ZNF177: variants seen among roughly 807,000 people sequenced by gnomAD.
The protein encoded by ZNF177 is zinc finger protein 177.
ZNF177 carries 17 observed loss-of-function variants against 19.4 expected under a neutral mutation model. The observed-to-expected ratio is 0.87, with a 90% confidence interval of 0.60 to 1.31. The LOEUF (loss-of-function observed/expected upper bound fraction) is 1.31, where lower values mean the gene tolerates loss of function less well. Among genes scored for constraint, ZNF177 ranks in the 40% most tolerant of loss-of-function variants. The probability of loss-of-function intolerance (pLI) is 0.00; values close to 1 mark genes in which losing one functional copy is unlikely to be tolerated. For missense variants in ZNF177, 633 were observed against 561.8 expected (o/e 1.13, Z -1.28); for synonymous variants, 220 against 188.7 (o/e 1.17, Z -1.36).
downstream of ZNF177, chr19:9,382,521 T>C (rs6512089): frequency 0.58 from 231,131 of 397,454 alleles, 68,802 homozygotes; most frequent in African/African-American, 0.73. Context: ...TTAACTGCCA[T>C]GTGGTTTAAA....
At chr19:9,370,664 C>T (rs1170005204) in intron 2 of ZNF177, among the ~76,000 whole-genome samples, 1 of 152,124 alleles carries the variant, frequency 6.6e-6, no homozygotes, top group East Asian at 1.9e-4. Context: ...TCAAGGCATC[C>T]TCCTGCCCCA....
Position 9,381,473 on chromosome 19 carries a change from C to G in ZNF177, c.1142C>G (p.Ser381Ter), listed in dbSNP as rs1420137477. ...TGTGGAAAAGCCTTCATCGATCAGT[C>G]ATCCCTTAAGAAACACACACGCTCT... Residue 381 changes from serine (S) to a stop codon, truncating the protein, a stop_gained, in exon 6 of 6, where the codon TCA (serine) becomes TGA (stop). Coordinates refer to ENST00000589262, the Ensembl canonical transcript of ZNF177. LOFTEE classifies it low-confidence loss of function (END_TRUNC). 6.2e-7 allele frequency: 1 copy of G among 1,611,698 alleles called. No individual in the cohort carries two copies. The highest frequency in any genetic ancestry group is 8.5e-7 in the Non-Finnish European group (1 of 1,178,014).
chr19:9,372,778 C>G (rs934709604), upstream of ZNF177, among the ~76,000 whole-genome samples: 3 of 151,974 alleles, frequency 2.0e-5, no homozygotes, highest in Non-Finnish European at 2.9e-5. Context: ...ACCTCCTGAC[C>G]TCAAGCAATC....
At chr19:9,365,054 T>G (rs1266952986) in intron 2 of ZNF177, 106 bp downstream of exon 2, 1 of 152,126 alleles carries the variant, frequency 6.6e-6, no homozygotes, top group East Asian at 1.9e-4. Context: ...ATTGTTTCAG[T>G]GATGTGTGTA....
chr19:9,378,907 G>A, intron 2 of ZNF177, 55 bp from the exon 5 acceptor site: 1 of 1,541,206 alleles, frequency 6.5e-7, no homozygotes, highest in Non-Finnish European at 8.8e-7. Flanking sequence ...CATTCTCCTG[G>A]TACATTGTCA....
exon 1 of ZNF177, chr19:9,363,039 CG>C (rs1225432507): frequency 6.6e-6 from 1 of 152,300 alleles, no homozygotes; most frequent in African/African-American, 2.4e-5. Flanking sequence ...CCATAGCTGT[CG>C]CCTGCAGCTG....
chr19:9,377,773 T>A (rs1270133917), intron 1 of ZNF177, among the ~76,000 whole-genome samples: 1 of 152,136 alleles, frequency 6.6e-6, no homozygotes, highest in Non-Finnish European at 1.5e-5. Flanking sequence ...ATGCTCACCT[T>A]TATGGTCCTT....
chr19:9,363,709 T>C (rs905552578), intron 1 of ZNF177, among the ~76,000 whole-genome samples: 1 of 152,232 alleles, frequency 6.6e-6, no homozygotes, highest in Non-Finnish European at 1.5e-5. Flanking sequence ...GTGTTTTGTA[T>C]GCAGCAAGCA....
At chr19:9,378,911 A>C in intron 2 of ZNF177, 51 bp from the exon 5 acceptor site, 1 of 1,544,884 alleles carries the variant, frequency 6.5e-7, no homozygotes, top group Non-Finnish European at 8.8e-7. Flanking sequence ...CTCCTGGTAC[A>C]TTGTCAAAAA....
chr19:9,379,742 C>A, intron 4 of ZNF177, 123 bp downstream of exon 6: 1 of 1,198,922 alleles, frequency 8.3e-7, no homozygotes, highest in Non-Finnish European at 1.1e-6. Context: ...GTTTCACCAT[C>A]TATTCAATCG....
chr19:9,379,143 A>G, intron 3 of ZNF177, 55 bp downstream of exon 5: 1 of 1,538,462 alleles, frequency 6.5e-7, no homozygotes, highest in Non-Finnish European at 8.8e-7. Flanking sequence ...TCTTAAGCAC[A>G]TATTATGTTC....
chr19:9,377,596 A>C (rs2068128868), intron 1 of ZNF177, among the ~76,000 whole-genome samples: 1 of 152,178 alleles, frequency 6.6e-6, no homozygotes, highest in South Asian at 2.1e-4. Flanking sequence ...AAAAGTTTAA[A>C]AAGTAAAATC....
upstream of ZNF177, among the ~76,000 whole-genome samples, chr19:9,374,756 A>T (rs1401806680): frequency 6.6e-6 from 1 of 151,608 alleles, no homozygotes; most frequent in African/African-American, 2.4e-5. Context: ...ACATTTTTTC[A>T]TGGTGTCTTT....
At chr19:9,366,624 G>A (rs903637890) in intron 2 of ZNF177, among the ~76,000 whole-genome samples, 7 of 152,098 alleles carry the variant, frequency 4.6e-5, no homozygotes, top group Admixed American at 6.5e-5. Flanking sequence ...TCCGTTCATC[G>A]GTAGATAGAC....
At chr19:9,365,694 G>A (rs113843563) in intron 2 of ZNF177, among the ~76,000 whole-genome samples, 114 of 152,176 alleles carry the variant, frequency 7.5e-4, no homozygotes, top group African/African-American at 2.6e-3. Flanking sequence ...GTCCATGACC[G>A]GCGCCGGAGT....
chr19:9,373,841 C>G (rs745881471), upstream of ZNF177, among the ~76,000 whole-genome samples: 6 of 151,770 alleles, frequency 4.0e-5, no homozygotes, highest in Non-Finnish European at 8.8e-5. Context: ...TGTGCAGATT[C>G]TTTCTCCCAT....
intron 1 of ZNF177, among the ~76,000 whole-genome samples, chr19:9,364,442 A>C (rs917515656): frequency 7.2e-5 from 11 of 152,162 alleles, no homozygotes; most frequent in Admixed American, 5.9e-4. Flanking sequence ...TACCGAGAGC[A>C]ATAGTGGAGG....
intron 2 of ZNF177, among the ~76,000 whole-genome samples, chr19:9,367,771 T>C (rs1026871695): frequency 6.6e-6 from 1 of 152,350 alleles, no homozygotes; most frequent in African/African-American, 2.4e-5. Context: ...CATATTTTTT[T>C]CCCTTGTAAT....
chr19:9,364,888 G>A (rs1401962046), exon 2 of ZNF177: 1 of 152,218 alleles, frequency 6.6e-6, no homozygotes, highest in Non-Finnish European at 1.5e-5. Flanking sequence ...GCAAGAAGAG[G>A]GCCTGGGAGA....
Sources: allele counts gnomAD v4.1 joint callset (sites outside exome capture counted in the v4.1 genomes callset), GRCh38; gene constraint gnomAD v4.1.1; transcripts MANE v1.5; gene names NCBI Gene and HGNC (gene_info 2026-07-23, HGNC 2026-07-21).